Variants in DLGAP1 observed in about 807,000 individuals in gnomAD.
DLGAP1 encodes the protein disks large-associated protein 1.
Under a neutral mutation model 90.8 loss-of-function variants are expected in DLGAP1, and 11 were observed. That is an observed-to-expected ratio of 0.12 (90% CI 0.08 to 0.20). The LOEUF is 0.20. Ranked by LOEUF, DLGAP1 falls within the 10% of genes least tolerant of loss-of-function variation. The pLI is 1.00. For missense variants in DLGAP1, 1,050 were observed against 1,333.8 expected (o/e 0.79, Z 3.31); for synonymous variants, 558 against 540.7 (o/e 1.03, Z -0.44).
chr18:3,628,134 C>T (rs1002303116), intron 7 of DLGAP1, among the ~76,000 whole-genome samples: 3 of 151,666 alleles, frequency 2.0e-5, no homozygotes, highest in African/African-American at 7.3e-5. Context: ...CCTTGGCCTC[C>T]CAAAGTGGTG....
At chr18:3,567,696 T>C in intron 8 of DLGAP1, 115 bp from the exon 9 acceptor site, 1 of 903,690 alleles carries the variant, frequency 1.1e-6, no homozygotes, top group South Asian at 1.5e-5. Context: ...TTGTAATTTA[T>C]AACCTCCTTG....
intron 1 of DLGAP1, among the ~76,000 whole-genome samples, chr18:4,301,767 T>G (rs1002282305): frequency 6.6e-6 from 1 of 152,210 alleles, no homozygotes; most frequent in Non-Finnish European, 1.5e-5. Flanking sequence ...CCACTAACAG[T>G]GTACAAGGGT....
chr18:4,392,715 C>T (rs538571665), intron 1 of DLGAP1, among the ~76,000 whole-genome samples: 1 of 151,660 alleles, frequency 6.6e-6, no homozygotes, highest in Non-Finnish European at 1.5e-5. Context: ...TTTTATATCC[C>T]TAGGCCAAGT....
Position 3,534,268 on chromosome 18 carries a change from G to A in DLGAP1, c.2405C>T (p.Ala802Val). The A allele has an allele frequency of 6.2e-7, 1 of 1,614,230 alleles. No individual in the cohort carries two copies. Among genetic ancestry groups the A allele is most frequent in the Non-Finnish European group, 8.5e-7 (1 of 1,180,050 alleles). Residue 802 changes from alanine (A) to valine (V), a missense_variant, in exon 10 of 13, where the codon GCA becomes GTA. Physicochemically the swap from Ala to Val is moderately conservative, Grantham distance 64. Coordinates refer to ENST00000315677, the MANE Select transcript of DLGAP1 (RefSeq NM_004746.4). The stretch of plus-strand genomic sequence containing the variant: ...CCACCCCTCCATGCGGTCTCGCTCT[G>A]CCTGGAGAAGCTTCAGGAACCAGTG... ...DGHWFLKLLQ[A>V]ERDRMEGWCQ...
chr18:4,070,619 ATTTT>A (rs752339964), intron 2 of DLGAP1, among the ~76,000 whole-genome samples: 14 of 151,974 alleles, frequency 9.2e-5, no homozygotes, highest in Non-Finnish European at 1.8e-4. Flanking sequence ...AACTCTCTTT[ATTTT>A]ATTAATTAAT....
chr18:3,781,369 G>C, intron 5 of DLGAP1, among the ~76,000 whole-genome samples: 1 of 102,340 alleles, frequency 9.8e-6, no homozygotes, highest in South Asian at 3.2e-4. Context: ...TTTTTTTTTT[G>C]AGATACAGTC....
intron 7 of DLGAP1, among the ~76,000 whole-genome samples, chr18:3,719,015 T>C (rs934164614): frequency 1.3e-5 from 2 of 152,060 alleles, no homozygotes; most frequent in African/African-American, 4.8e-5. Flanking sequence ...CAATAGACTT[T>C]CCTTCTCTAA....
At chr18:3,574,665 C>G (rs1325474713) in intron 8 of DLGAP1, among the ~76,000 whole-genome samples, 1 of 152,152 alleles carries the variant, frequency 6.6e-6, no homozygotes, top group African/African-American at 2.4e-5. Context: ...AACACTGATG[C>G]TGACTTCGAG....
At chr18:4,130,654 C>G (rs537497822) in intron 2 of DLGAP1, among the ~76,000 whole-genome samples, 1 of 152,198 alleles carries the variant, frequency 6.6e-6, no homozygotes, top group African/African-American at 2.4e-5. Context: ...CAGGACCACA[C>G]CCTCCCATCG....
intron 1 of DLGAP1, among the ~76,000 whole-genome samples, chr18:4,410,744 CA>C (rs888283435): frequency 5.9e-5 from 9 of 151,746 alleles, no homozygotes; most frequent in African/African-American, 2.2e-4. Flanking sequence ...GCAACAAAAG[CA>C]ATCAAAAAAG....
At chr18:4,260,898 A>G (rs1834177319) in intron 1 of DLGAP1, among the ~76,000 whole-genome samples, 1 of 152,258 alleles carries the variant, frequency 6.6e-6, no homozygotes, top group Non-Finnish European at 1.5e-5. Context: ...TCTTGGCTAC[A>G]AAGTAGGACA....
intron 1 of DLGAP1, among the ~76,000 whole-genome samples, chr18:4,363,083 G>A (rs2081664284): frequency 6.6e-6 from 1 of 152,078 alleles, no homozygotes; most frequent in South Asian, 2.1e-4. Context: ...TTGGCATACT[G>A]ACCTAAGATT....
chr18:3,595,336 G>A (rs142128393), intron 7 of DLGAP1, among the ~76,000 whole-genome samples: 1 of 152,318 alleles, frequency 6.6e-6, no homozygotes, highest in Admixed American at 6.5e-5. Context: ...AGAAGGCCCA[G>A]GGCCAGAGGC....
At chr18:3,558,910 A>G (rs1464246096) in intron 9 of DLGAP1, among the ~76,000 whole-genome samples, 2 of 152,230 alleles carry the variant, frequency 1.3e-5, no homozygotes, top group Non-Finnish European at 2.9e-5. Context: ...TGGCACCTGC[A>G]GCTACAGCCT....
At chr18:4,269,641 A>C (rs1360463783) in intron 1 of DLGAP1, among the ~76,000 whole-genome samples, 1 of 152,172 alleles carries the variant, frequency 6.6e-6, no homozygotes, top group Admixed American at 6.5e-5. Context: ...GGCGTGAGCC[A>C]CCGCGCCCGG....
At chr18:4,082,669 C>A (rs1056136888) in intron 2 of DLGAP1, among the ~76,000 whole-genome samples, 1 of 151,498 alleles carries the variant, frequency 6.6e-6, no homozygotes, top group South Asian at 2.1e-4. Context: ...TTTCAGTAAC[C>A]CTTAGGATGA....
At chr18:3,552,727 T>C (rs574109276) in intron 9 of DLGAP1, among the ~76,000 whole-genome samples, 1 of 152,364 alleles carries the variant, frequency 6.6e-6, no homozygotes, top group East Asian at 1.9e-4. Context: ...CCTCAGTCTC[T>C]GTCAGGGTAA....
At chr18:3,550,757 T>G (rs1004452497) in intron 9 of DLGAP1, among the ~76,000 whole-genome samples, 3 of 93,104 alleles carry the variant, frequency 3.2e-5, no homozygotes, top group Non-Finnish European at 7.5e-5. Context: ...TTTTTTTTTT[T>G]GTAAGACAGA....
At position 4,130,692 on chromosome 18, in the gene DLGAP1, C is replaced by T. The variant is rs540550681; in HGVS notation, c.-159+20488G>A. ...CACACATACACACAGAACATGAACA[C>T]GGACCACAAGAGAGCGGCACATTGC... On this transcript the variant is annotated intron_variant, in intron 2 of 12. Transcript: ENST00000315677. 2.6e-5 allele frequency among the ~76,000 whole-genome samples: 4 copies of T among 152,164 alleles called. No individual in the cohort carries two copies. The East Asian group carries it at 5.8e-4, about 22-fold the overall frequency.
Sources: gnomAD v4.1 joint callset for allele counts (sites outside exome capture counted in the v4.1 genomes callset) on GRCh38, gnomAD v4.1.1 for gene constraint, MANE v1.5 for transcripts, NCBI Gene and HGNC (gene_info 2026-07-23, HGNC 2026-07-21) for gene names.